The following TCF4 variants were observed in gnomAD, a reference collection of about 807,000 sequenced individuals.
The protein encoded by TCF4 is SL3-3 enhancer factor 2.
A neutral mutation model predicts 82.1 loss-of-function variants in TCF4; 3 were observed. The observed-to-expected ratio is 0.04, with a 90% CI of 0.02 to 0.09. The LOEUF is 0.09. TCF4 is among the 10% of genes least tolerant of loss of function. TCF4 has a pLI of 1.00. For synonymous variants in TCF4, 276 were observed against 309.6 expected (o/e 0.89, Z 1.14); for missense variants, 518 against 852.7 (o/e 0.61, Z 4.89).
Position 55,224,742 on chromosome 18 carries a change from T to C in TCF4, c.*3293A>G, listed in dbSNP as rs2046367283. ...GGGTGGACTGACAGTTGTATAAACA[T>C]TAGTGTTCCTTGCAGCTACACAGAA... On this transcript the variant is annotated 3_prime_UTR_variant, in exon 20 of 20. Coordinates refer to ENST00000354452, the MANE Select transcript of TCF4 (RefSeq NM_001083962.2). 6.6e-6 allele frequency: 1 copy of C among 152,604 alleles called. No homozygotes were observed. Among genetic ancestry groups the C allele is most frequent in the Admixed American group, 6.5e-5 (1 of 15,278 alleles). The allele number at this position is 152,604 out of a possible 1,614,324, so 9.5% of individuals were successfully genotyped here. A position where few individuals can be genotyped will look rare whatever the true frequency, so the allele number is the denominator to read the frequency against.
Position 55,324,698 on chromosome 18 carries a change from A to T in TCF4, c.549+25661T>A, listed in dbSNP as rs77478866. Among the ~76,000 whole-genome samples the T allele has an allele frequency of 9.8e-3, 1,494 of 151,890 alleles. 21 individuals are homozygous for T. The highest frequency in any genetic ancestry group is 0.037 in the Middle Eastern group (11 of 294). On this transcript the variant is annotated intron_variant, in intron 8 of 19. Transcript: ENST00000354452. Reference sequence around the variant, plus strand: ...GGTACCACCCCCACCCCCCATGCCCAGCCTTGTTATCGCTGAAATGATGGG... The same window carrying T: ...GGTACCACCCCCACCCCCCATGCCCTGCCTTGTTATCGCTGAAATGATGGG...
At chr18:55,530,315 G>A (rs1179331339) in intron 3 of TCF4, among the ~76,000 whole-genome samples, 15 of 152,168 alleles carry the variant, frequency 9.9e-5, no homozygotes, top group Non-Finnish European at 1.5e-4. Context: ...TTTTTAGAAA[G>A]AGTAGGGGGT....
At chr18:55,534,052 T>A (rs1391896020) in intron 3 of TCF4, among the ~76,000 whole-genome samples, 3 of 152,228 alleles carry the variant, frequency 2.0e-5, no homozygotes, top group African/African-American at 7.2e-5. Context: ...AGTTTCAACA[T>A]GAAATGTATT....
intron 3 of TCF4, among the ~76,000 whole-genome samples, chr18:55,583,803 G>T (rs895461565): frequency 6.6e-6 from 1 of 151,866 alleles, no homozygotes; most frequent in Admixed American, 6.6e-5. Context: ...AAATTAATTT[G>T]CCCACAAAAG....
chr18:55,309,594 G>T (rs2071618998), intron 8 of TCF4, among the ~76,000 whole-genome samples: 1 of 152,266 alleles, frequency 6.6e-6, no homozygotes, highest in Middle Eastern at 3.4e-3. Flanking sequence ...GCTTACAACT[G>T]TATTTTACTG....
chr18:55,254,229 G>A (rs1450130297), intron 15 of TCF4, among the ~76,000 whole-genome samples: 1 of 152,122 alleles, frequency 6.6e-6, no homozygotes, highest in Non-Finnish European at 1.5e-5. Flanking sequence ...GGAAGTGGAG[G>A]GATGGGGAAT....
chr18:55,303,407 C>T (rs1304023609), intron 8 of TCF4, among the ~76,000 whole-genome samples: 1 of 152,166 alleles, frequency 6.6e-6, no homozygotes, highest in South Asian at 2.1e-4. Flanking sequence ...TCTATTTAAA[C>T]TTTTGCCTTC....
intron 2 of TCF4, among the ~76,000 whole-genome samples, chr18:55,608,772 T>C (rs2097704514): frequency 6.6e-6 from 1 of 152,114 alleles, no homozygotes; most frequent in Admixed American, 6.6e-5. Context: ...TAAATAGTTG[T>C]GAAACCAATG....
intron 3 of TCF4, among the ~76,000 whole-genome samples, chr18:55,496,639 C>A (rs2096639162): frequency 6.6e-6 from 1 of 152,018 alleles, no homozygotes; most frequent in Non-Finnish European, 1.5e-5. Flanking sequence ...TCTCCTCCAT[C>A]CCAACATTTC....
chr18:55,385,595 T>C (rs1037025713), intron 6 of TCF4, among the ~76,000 whole-genome samples: 2 of 152,088 alleles, frequency 1.3e-5, no homozygotes, highest in Non-Finnish European at 2.9e-5. Context: ...GAGATGGGGT[T>C]TCACTATGCT....
intron 2 of TCF4, among the ~76,000 whole-genome samples, chr18:55,621,438 AT>A (rs1490940151): frequency 8.5e-6 from 1 of 117,188 alleles, no homozygotes; most frequent in Non-Finnish European, 1.7e-5. Flanking sequence ...ATATATAAAA[AT>A]ATATATATAA....
At chr18:55,351,965 T>C in intron 6 of TCF4, 1 of 773,392 alleles carries the variant, frequency 1.3e-6, no homozygotes, top group Non-Finnish European at 1.6e-6. Flanking sequence ...TTATCGTTAC[T>C]TGTAATCAAC....
intron 6 of TCF4, among the ~76,000 whole-genome samples, chr18:55,360,974 G>A (rs985244205): frequency 6.6e-6 from 1 of 151,868 alleles, no homozygotes; most frequent in African/African-American, 2.4e-5. Flanking sequence ...ATCCACCCGC[G>A]CTGGCCTCCC....
intron 3 of TCF4, among the ~76,000 whole-genome samples, chr18:55,491,988 T>C (rs898368474): frequency 6.6e-6 from 1 of 152,222 alleles, no homozygotes; most frequent in Admixed American, 6.5e-5. Flanking sequence ...GTGTTTTCTA[T>C]ACTCAGAACT....
At chr18:55,452,888 CCTCT>C (rs2095653673) in intron 5 of TCF4, among the ~76,000 whole-genome samples, 2 of 152,126 alleles carry the variant, frequency 1.3e-5, no homozygotes, top group Admixed American at 6.5e-5. Context: ...ACTCCATCTT[CCTCT>C]CTAATTTGCT....
intron 3 of TCF4, among the ~76,000 whole-genome samples, chr18:55,548,139 T>C (rs1008677227): frequency 1.3e-5 from 2 of 152,232 alleles, no homozygotes; most frequent in African/African-American, 4.8e-5. Flanking sequence ...AGAAAATGTG[T>C]GAAATGATTT....
At position 55,228,434 on chromosome 18, in the gene TCF4, T is replaced by C. The variant is rs1397812876; in HGVS notation, c.1880-73A>G. 9.5e-6 allele frequency: 15 copies of C among 1,584,568 alleles called. No homozygotes were observed. The African/African-American group carries it at 1.7e-4, about 18-fold the overall frequency. On this transcript the variant is annotated intron_variant, in intron 18 of 19. Transcript: ENST00000354452. ...GGCAGAGGGCAGCAATGCACTCTTCTTGCGTGTCTGACCTTTTTCTCAGTG... is the reference window on the plus strand; with the variant it reads ...GGCAGAGGGCAGCAATGCACTCTTCCTGCGTGTCTGACCTTTTTCTCAGTG...
chr18:55,358,051 T>C (rs1603327289), intron 6 of TCF4, among the ~76,000 whole-genome samples: 1 of 152,208 alleles, frequency 6.6e-6, no homozygotes, highest in African/African-American at 2.4e-5. Flanking sequence ...ACTAACTCTT[T>C]CCCTCCCAAG....
At chr18:55,287,531 C>T (rs568476333) in intron 8 of TCF4, among the ~76,000 whole-genome samples, 10 of 152,236 alleles carry the variant, frequency 6.6e-5, no homozygotes, top group Admixed American at 2.6e-4. Flanking sequence ...AATTACAGAA[C>T]GGAAAAATGT....
Sources: allele counts gnomAD v4.1 joint callset (sites outside exome capture counted in the v4.1 genomes callset), GRCh38; gene constraint gnomAD v4.1.1; transcripts MANE v1.5; gene names NCBI Gene and HGNC (gene_info 2026-07-23, HGNC 2026-07-21).